OPCML: variants seen among roughly 807,000 people sequenced by gnomAD.
OPCML encodes the protein opioid-binding protein/cell adhesion molecule.
OPCML carries 13 observed loss-of-function variants against 37.8 expected under a neutral mutation model. The ratio of observed to expected loss-of-function variants is 0.34; its 90% CI spans 0.22 to 0.55. The LOEUF (loss-of-function observed/expected upper bound fraction) is 0.55. Among genes scored for constraint, OPCML ranks in the 20% least tolerant of loss-of-function variants. The probability of loss-of-function intolerance (pLI) is 0.91; values close to 1 mark genes in which losing one functional copy is unlikely to be tolerated. For missense variants in OPCML, 341 were observed against 435.6 expected (o/e 0.78, Z 1.93); for synonymous variants, 176 against 168.8 (o/e 1.04, Z -0.33).
chr11:132,957,321 G>T (rs1188201127), intron 1 of OPCML, among the ~76,000 whole-genome samples: 1 of 152,076 alleles, frequency 6.6e-6, no homozygotes, highest in Non-Finnish European at 1.5e-5. Context: ...ATGGCAAAGA[G>T]GAAGCAAAAG....
chr11:133,209,482 T>C (rs1939259925), intron 1 of OPCML, among the ~76,000 whole-genome samples: 1 of 152,186 alleles, frequency 6.6e-6, no homozygotes, highest in South Asian at 2.1e-4. Context: ...ATGGGGCAAA[T>C]ACTACCCATT....
intron 4 of OPCML, among the ~76,000 whole-genome samples, chr11:132,500,010 G>A (rs1232885261): frequency 6.6e-6 from 1 of 152,190 alleles, no homozygotes; most frequent in Non-Finnish European, 1.5e-5. Context: ...AAGGTAATAG[G>A]TTGTGAAATG....
chr11:133,056,503 T>C (rs939588636), intron 1 of OPCML, among the ~76,000 whole-genome samples: 1 of 152,232 alleles, frequency 6.6e-6, no homozygotes, highest in Non-Finnish European at 1.5e-5. Context: ...CACATTTAAA[T>C]CTACTGTAAA....
chr11:132,428,353 T>C (rs2095984561), intron 7 of OPCML, among the ~76,000 whole-genome samples: 2 of 152,218 alleles, frequency 1.3e-5, no homozygotes, highest in Admixed American at 6.5e-5. Flanking sequence ...CTGGAAGATA[T>C]ATTTATTAAT....
chr11:133,240,218 A>C (rs1404196340), intron 1 of OPCML, among the ~76,000 whole-genome samples: 1 of 150,722 alleles, frequency 6.6e-6, no homozygotes, highest in Non-Finnish European at 1.5e-5. Flanking sequence ...GGGGCAAAAA[A>C]AAAAAAAAAA....
chr11:132,803,158 C>T (rs1049059627), intron 2 of OPCML, among the ~76,000 whole-genome samples: 2 of 152,076 alleles, frequency 1.3e-5, no homozygotes, highest in Admixed American at 1.3e-4. Flanking sequence ...AGGAAAACGC[C>T]ATTAGCAGCT....
intron 1 of OPCML, among the ~76,000 whole-genome samples, chr11:133,234,205 TTTG>T (rs1158935614): frequency 6.6e-6 from 1 of 152,092 alleles, no homozygotes; most frequent in African/African-American, 2.4e-5. Context: ...TTTTTAAAAT[TTTG>T]TTTTGTTTTC....
intron 1 of OPCML, among the ~76,000 whole-genome samples, chr11:133,051,056 C>CATAT (rs34556518): frequency 2.3e-5 from 2 of 88,590 alleles, no homozygotes; most frequent in African/African-American, 8.2e-5. Context: ...CATGTGTGTA[C>CATAT]ATACACACAC....
chr11:133,286,060 G>C (rs1032368142), intron 1 of OPCML, among the ~76,000 whole-genome samples: 4 of 146,690 alleles, frequency 2.7e-5, no homozygotes, highest in African/African-American at 1.1e-4. Flanking sequence ...AGACAAGTCA[G>C]GGTGTTCAAG....
chr11:133,118,389 T>C (rs1949369255), intron 1 of OPCML: 9 of 985,400 alleles, frequency 9.1e-6, no homozygotes, highest in Non-Finnish European at 1.1e-5. Flanking sequence ...CTGGAGTCTT[T>C]CTCTGTGTCA....
intron 2 of OPCML, among the ~76,000 whole-genome samples, chr11:132,757,498 T>C (rs554759476): frequency 1.3e-5 from 2 of 152,352 alleles, no homozygotes; most frequent in African/African-American, 4.8e-5. Flanking sequence ...CCATTCTAAC[T>C]GGTGTGAGAT....
intron 3 of OPCML, among the ~76,000 whole-genome samples, chr11:132,584,323 C>T (rs1414934224): frequency 1.3e-5 from 2 of 152,006 alleles, no homozygotes; most frequent in Non-Finnish European, 2.9e-5. Flanking sequence ...AAAAGGAGAC[C>T]TAGATACAGG....
At chr11:133,408,217 C>T (rs750141633) in intron 1 of OPCML, among the ~76,000 whole-genome samples, 39 of 151,860 alleles carry the variant, frequency 2.6e-4, no homozygotes, top group Admixed American at 7.2e-4. Flanking sequence ...CTTTGAGATG[C>T]GTGTGAGCAT....
At chr11:132,637,046 T>G (rs189784781) in intron 3 of OPCML, among the ~76,000 whole-genome samples, 150 of 152,334 alleles carry the variant, frequency 9.8e-4, no homozygotes, top group Middle Eastern at 3.4e-3. Flanking sequence ...TAGCCAAGCA[T>G]TTAATCACCA....
chr11:133,391,587 G>T (rs2136812331), intron 1 of OPCML, among the ~76,000 whole-genome samples: 1 of 152,258 alleles, frequency 6.6e-6, no homozygotes, highest in South Asian at 2.1e-4. Flanking sequence ...CCATCAAAAA[G>T]CAGGACGCGT....
At chr11:132,527,874 G>A (rs2096312826) in intron 4 of OPCML, among the ~76,000 whole-genome samples, 2 of 152,226 alleles carry the variant, frequency 1.3e-5, no homozygotes, top group African/African-American at 4.8e-5. Flanking sequence ...GGAACAACTT[G>A]GACACAGATG....
intron 1 of OPCML, chr11:133,421,840 C>G (rs907517206): frequency 1.1e-4 from 94 of 878,084 alleles, no homozygotes; most frequent in Non-Finnish European, 1.2e-4. Context: ...AACAAGCCAT[C>G]CCTACTGTAA....
At chr11:132,420,738 A>ATAAGTC (rs1419619254) in intron 7 of OPCML, among the ~76,000 whole-genome samples, 1 of 152,174 alleles carries the variant, frequency 6.6e-6, no homozygotes, top group Non-Finnish European at 1.5e-5. Flanking sequence ...GGATGGAGAC[A>ATAAGTC]TAAGTCCAAG....
intron 1 of OPCML, among the ~76,000 whole-genome samples, chr11:133,269,100 C>G (rs901974623): frequency 3.9e-5 from 6 of 152,092 alleles, no homozygotes; most frequent in African/African-American, 1.4e-4. Flanking sequence ...GTCTGAGATG[C>G]AACAAAGACT....
Sources: gnomAD v4.1 joint callset for allele counts (sites outside exome capture counted in the v4.1 genomes callset) on GRCh38, gnomAD v4.1.1 for gene constraint, MANE v1.5 for transcripts, NCBI Gene and HGNC (gene_info 2026-07-23, HGNC 2026-07-21) for gene names.